DYRK1B: variants seen among roughly 807,000 people sequenced by gnomAD.
DYRK1B encodes the protein dual specificity tyrosine phosphorylation regulated kinase 1B.
DYRK1B carries 20 observed loss-of-function variants against 57.1 expected under a neutral mutation model. The ratio of observed to expected loss-of-function variants is 0.35; its 90% CI spans 0.25 to 0.51. The LOEUF (loss-of-function observed/expected upper bound fraction) is 0.51. DYRK1B is among the 20% of genes least tolerant of loss of function. DYRK1B has a pLI of 0.96. For missense variants in DYRK1B, 732 were observed against 886.3 expected (o/e 0.83, Z 2.21); for synonymous variants, 409 against 384.7 (o/e 1.06, Z -0.74).
At position 39,827,441 on chromosome 19, in the gene DYRK1B, G is replaced by A; in HGVS notation, c.955-16C>T. 1 of 1,610,590 alleles carries A rather than the reference G, an allele frequency of 6.2e-7. No individual in the cohort carries two copies. The highest frequency in any genetic ancestry group is 8.5e-7 in the Non-Finnish European group (1 of 1,177,268). On this transcript the variant is annotated splice_polypyrimidine_tract_variant and intron_variant, in intron 7 of 10. Coordinates refer to ENST00000323039, the MANE Select transcript of DYRK1B (RefSeq NM_004714.3). ...TCTGGTCGACCTGTGAGCAGGCAGG[G>A]GTCAAGGTCATCAGGCCAGCCAGGC...
Position 39,826,782 on chromosome 19 carries a change from G to C in DYRK1B, c.1301C>G (p.Thr434Arg). ...GALQHGFFRR[T>R]ADEATNTGPA... is the part of the protein sequence containing the mutation. ...GCCCGTGTTGGTGGCCTCGTCGGCC[G>C]TGCGGCGGAAGAAGCCGTGCTGCAG... Residue 434 changes from threonine (T) to arginine (R), a missense_variant, in exon 9 of 11, where the codon ACG becomes AGG. Physicochemically the swap from Thr to Arg is moderately conservative, Grantham distance 71. Coordinates refer to ENST00000323039, the MANE Select transcript of DYRK1B (RefSeq NM_004714.3). The surrounding 1 kb of genome is among the most constrained non-coding windows in gnomAD (Gnocchi z 6.3). 1 of 1,559,642 alleles carries C rather than the reference G, an allele frequency of 6.4e-7. No homozygotes were observed.
Position 39,826,354 on chromosome 19 carries a change from T to C in DYRK1B, c.1412-68A>G. On this transcript the variant is annotated intron_variant, in intron 9 of 10. Coordinates refer to ENST00000323039, the MANE Select transcript of DYRK1B (RefSeq NM_004714.3). The surrounding 1 kb of genome is among the most constrained non-coding windows in gnomAD (Gnocchi z 6.3). ...AGAAGGTGGCGAGTGGGTTTTGGGA[T>C]GGCTGAGGGAAGGTCACGGCCCAGG... 2.3e-6 allele frequency: 3 copies of C among 1,321,266 alleles called. No individual in the cohort carries two copies. Among genetic ancestry groups the C allele is most frequent in the East Asian group, 5.0e-5 (2 of 40,130 alleles). The allele number at this position is 1,321,266 out of a possible 1,614,324, so 81.8% of individuals were successfully genotyped here.
Position 39,826,213 on chromosome 19 carries a change from G to A in DYRK1B, c.1485C>T (p.Pro495=). 1.3e-6 allele frequency: 2 copies of A among 1,596,522 alleles called. No homozygotes were observed. The highest frequency in any genetic ancestry group is 1.7e-6 in the Non-Finnish European group (2 of 1,174,092). ...TGTTCATCTCACAGTCTGTGATAGG[G>A]GGCCCAGGGCCCCCACAATATCGGT... is the stretch of plus-strand genomic sequence containing the variant. ...YSNRYCGGPG[P]PITDCEMNSP... The change falls in exon 10 of 11, where the codon CCC becomes CCT. Residue 495 remains proline, a synonymous_variant. Coordinates refer to ENST00000323039, the MANE Select transcript of DYRK1B (RefSeq NM_004714.3). This position sits in a 1 kb window ranked among gnomAD's most constrained non-coding sequence, Gnocchi z 6.3.
chr19:39,832,371 C>T (rs1028450331), intron 1 of DYRK1B, among the ~76,000 whole-genome samples: 1 of 152,108 alleles, frequency 6.6e-6, no homozygotes, highest in African/African-American at 2.4e-5. Context: ...ACTCGTGGCC[C>T]TCCCCAGGGC....
chr19:39,827,355 T>A lies in DYRK1B; in HGVS notation c.1025A>T (p.Lys342Met), dbSNP rs778256958. ...CAGCCGTTCAAAGTACTTGCGAGCC[T>A]TGGGCGCCTGGTCCAGCATGGCGGC... ...PPAAMLDQAP[K>M]ARKYFERLPG... Residue 342 changes from lysine (K) to methionine (M), a missense_variant, in exon 8 of 11, where the codon AAG becomes ATG. Coordinates refer to ENST00000323039, the MANE Select transcript of DYRK1B (RefSeq NM_004714.3). The A allele has an allele frequency of 6.2e-7, 1 of 1,613,794 alleles. No individual in the cohort carries two copies. Among genetic ancestry groups the A allele is most frequent in the East Asian group, 2.2e-5 (1 of 44,852 alleles).
Position 39,830,691 on chromosome 19 carries a change from G to A in DYRK1B, c.156C>T (p.Leu52=), listed in dbSNP as rs763244310. The stretch of plus-strand genomic sequence containing the variant: ...CATTGATGTGCTTGTAGGTCTTGAT[G>A]AGGTCCACAGAGAGCTTACGCAGCG... The part of the protein sequence containing the change: ...SAPLRKLSVD[L]IKTYKHINEV... The change falls in exon 3 of 11, where the codon CTC becomes CTT. Residue 52 remains leucine, a synonymous_variant. Coordinates refer to ENST00000323039, the MANE Select transcript of DYRK1B (RefSeq NM_004714.3). 2.5e-6 allele frequency: 4 copies of A among 1,614,024 alleles called. No individual in the cohort carries two copies. The East Asian group carries it at 6.7e-5, about 27-fold the overall frequency.
chr19:39,826,071 G>C lies in DYRK1B; in HGVS notation c.1534C>G (p.Pro512Ala). 1.3e-6 allele frequency: 2 copies of C among 1,522,036 alleles called. No homozygotes were observed. Among genetic ancestry groups the C allele is most frequent in the Non-Finnish European group, 1.8e-6 (2 of 1,138,300 alleles). 94.3% of individuals were successfully genotyped at this position (1,522,036 alleles called of 1,614,324 possible). The change falls in exon 11 of 11, where the codon CCG (proline) becomes GCG (alanine). Residue 512 changes from proline (P) to alanine (A), a missense_variant. Around this residue, in one of 2 missense-constraint regions of DYRK1B, gnomAD observed 222 missense variants for 205.0 expected, o/e 1.08. Coordinates refer to ENST00000323039, the MANE Select transcript of DYRK1B (RefSeq NM_004714.3). This position sits in a 1 kb window ranked among gnomAD's most constrained non-coding sequence, Gnocchi z 6.3. ...TCACCCCCTGCCCAGGGCCGCAGCG[G>C]CTGGGAGGGTGGGACCTAAAAAAGC... ...MNSPQVPPSQ[P>A]LRPWAGGDVP...
rs1968756763 is a variant in DYRK1B at position 39,830,492 on chromosome 19, C to A, written c.255G>T (p.Lys85Asn). 36 of 1,614,232 alleles carry A rather than the reference C, an allele frequency of 2.2e-5. No homozygotes were observed. Among genetic ancestry groups the A allele is most frequent in the Non-Finnish European group, 3.1e-5 (36 of 1,180,046 alleles). ...PPQDSSNKKE[K>N]KVLNHGYDDD... ...CATCATAACCATGGTTCAGGACCTT[C>A]TTCTCCTTCTTGTTGCTCGAATCCT... The change falls in exon 4 of 11, where the codon AAG becomes AAT. Residue 85 changes from lysine to asparagine, a missense_variant. By Grantham distance (94) the Lys-to-Asn change is moderately conservative. Transcript: ENST00000323039.
chr19:39,827,180 T>C (rs1207072503), intron 8 of DYRK1B, 105 bp downstream of exon 8: 6 of 1,339,064 alleles, frequency 4.5e-6, no homozygotes, highest in East Asian at 2.6e-5. Flanking sequence ...CAAGGGGGAG[T>C]GGAAGGAAGG....
intron 1 of DYRK1B, chr19:39,833,453 G>T: frequency 8.5e-6 from 5 of 589,922 alleles, no homozygotes; most frequent in Non-Finnish European, 1.1e-5. Flanking sequence ...AACAGCAGCC[G>T]CCACTGCCAC....
chr19:39,832,041 T>A (rs748149523), intron 1 of DYRK1B, 73 bp from the exon 2 acceptor site: 1 of 1,349,808 alleles, frequency 7.4e-7, no homozygotes, highest in Non-Finnish European at 9.5e-7. Flanking sequence ...CGGGGAAGAG[T>A]GGACATGAGA....
At position 39,826,778 on chromosome 19, in the gene DYRK1B, GGCCGTGCGGCGGAAGAA is replaced by G. The variant is rs1968559903; in HGVS notation, c.1288_1304del (p.Phe430ArgfsTer44). On this transcript the variant is annotated frameshift_variant, in exon 9 of 11. Transcript: ENST00000323039. LOFTEE classifies it high-confidence loss of function. The surrounding 1 kb of genome is among the most constrained non-coding windows in gnomAD (Gnocchi z 6.3). ...CCGGGCCCGTGTTGGTGGCCTCGTCGGCCGTGCGGCGGAAGAAGCCGTGCTGCAGAGCCCCCAGGGGG... is the reference window on the plus strand; with the variant it reads ...CCGGGCCCGTGTTGGTGGCCTCGTCGGCCGTGCTGCAGAGCCCCCAGGGGG... The G allele has an allele frequency of 6.4e-7, 1 of 1,563,796 alleles. No homozygotes were observed. The highest frequency in any genetic ancestry group is 8.6e-7 in the Non-Finnish European group (1 of 1,157,034).
intron 1 of DYRK1B, 142 bp from the exon 2 acceptor site, chr19:39,832,110 G>C: frequency 1.3e-6 from 1 of 799,898 alleles, no homozygotes; most frequent in Non-Finnish European, 1.7e-6. Flanking sequence ...TAGCAATGAA[G>C]AGAAGGGGCA....
intron 2 of DYRK1B, among the ~76,000 whole-genome samples, chr19:39,831,493 T>C (rs1383375308): frequency 6.6e-6 from 1 of 152,184 alleles, no homozygotes; most frequent in Admixed American, 6.5e-5. Flanking sequence ...ATGCATACCA[T>C]TAACTCATTT....
rs752773255 is a variant in DYRK1B at position 39,826,054 on chromosome 19, T to G, written c.1551A>C (p.Ala517=). The G allele has an allele frequency of 2.0e-6, 3 of 1,517,936 alleles. No homozygotes were observed. The highest frequency in any genetic ancestry group is 1.8e-6 in the Non-Finnish European group (2 of 1,136,084). 94.0% of individuals were successfully genotyped at this position (1,517,936 alleles called of 1,614,324 possible). The change falls in exon 11 of 11, where the codon GCA becomes GCC. Residue 517 remains alanine, a synonymous_variant. Transcript: ENST00000323039. The surrounding 1 kb of genome is among the most constrained non-coding windows in gnomAD (Gnocchi z 6.3). The part of the protein sequence containing the change: ...VPPSQPLRPW[A]GGDVPHKTHQ... ...GTGTCTTGTGGGGCACATCACCCCC[T>G]GCCCAGGGCCGCAGCGGCTGGGAGG... is the stretch of plus-strand genomic sequence containing the variant.
Position 39,830,031 on chromosome 19 carries a change from T to C in DYRK1B, c.373-4A>G. The C allele has an allele frequency of 6.2e-7, 1 of 1,613,860 alleles. No individual in the cohort carries two copies. Among genetic ancestry groups the C allele is most frequent in the Non-Finnish European group, 8.5e-7 (1 of 1,179,898 alleles). ...GATGATCATAGGCTTTCACCACCTG[T>C]TGGGGCAGGGCATGTCACGAAGAAA... On this transcript the variant is annotated splice_polypyrimidine_tract_variant and splice_region_variant and intron_variant, in intron 4 of 10. Coordinates refer to ENST00000323039, the MANE Select transcript of DYRK1B (RefSeq NM_004714.3).
At position 39,826,972 on chromosome 19, in the gene DYRK1B, C is replaced by G. The variant is rs1335875822; in HGVS notation, c.1111G>C (p.Gly371Arg). The G allele has an allele frequency of 3.7e-5, 27 of 727,032 alleles. No individual in the cohort carries two copies. Among genetic ancestry groups the G allele is most frequent in the Non-Finnish European group, 4.8e-5 (27 of 558,774 alleles). The allele number at this position is 727,032 out of a possible 1,614,324, so 45.0% of individuals were successfully genotyped here. A position where few individuals can be genotyped will look rare whatever the true frequency, so the allele number is the denominator to read the frequency against. Reference sequence around the variant, plus strand: ...AGCACCTCCTGCAGCCGCCGTGTCCCGGGGCCCTGGTAATCCTGGCAGGGA... The same window carrying G: ...AGCACCTCCTGCAGCCGCCGTGTCCGGGGGCCCTGGTAATCCTGGCAGGGA... Reference protein sequence around the residue: ...KELRKDYQGPGTRRLQEVLGV... With the variant: ...KELRKDYQGPRTRRLQEVLGV... The change falls in exon 9 of 11, where the codon GGG becomes CGG. Residue 371 changes from glycine (G) to arginine (R), a missense_variant. By Grantham distance (125) the Gly-to-Arg change is moderately radical (BLOSUM62 -2). Around this residue, in one of 2 missense-constraint regions of DYRK1B, gnomAD observed 510 missense variants for 681.3 expected, o/e 0.75. Transcript: ENST00000323039. The surrounding 1 kb of genome is among the most constrained non-coding windows in gnomAD (Gnocchi z 6.3).
chr19:39,828,910 T>C lies in DYRK1B; in HGVS notation c.521-327A>G, dbSNP rs563009677. 3.3e-5 allele frequency among the ~76,000 whole-genome samples: 5 copies of C among 152,014 alleles called. No homozygotes were observed. Among genetic ancestry groups the C allele is most frequent in the Admixed American group, 3.3e-4 (5 of 15,282 alleles). On this transcript the variant is annotated intron_variant, in intron 5 of 10. Transcript: ENST00000323039. The surrounding 1 kb of genome is among the most constrained non-coding windows in gnomAD (Gnocchi z 4.3). ...TCATTTTTGTGGCAAAGGACACTGG[T>C]TTTCCGTTTACTTTAAGGATATACG...
intron 5 of DYRK1B, 82 bp downstream of exon 5, chr19:39,829,798 A>C (rs1164058287): frequency 4.7e-6 from 7 of 1,501,810 alleles, no homozygotes; most frequent in Non-Finnish European, 6.3e-6. Context: ...TCCTGAGAGT[A>C]GGGCGGGGGT....
Sources: gnomAD v4.1 joint callset for allele counts (sites outside exome capture counted in the v4.1 genomes callset) on GRCh38, gnomAD v4.1.1 for gene constraint, gnomAD v4.1.1 regional missense constraint, Gnocchi (gnomAD v3.1) non-coding constraint, MANE v1.5 for transcripts, NCBI Gene and HGNC (gene_info 2026-07-23, HGNC 2026-07-21) for gene names.